The following NFIC variants were observed in gnomAD, a reference collection of about 807,000 sequenced individuals.
The protein encoded by NFIC is nuclear factor I C, also known as nuclear factor 1 C-type.
A neutral mutation model predicts 54.4 loss-of-function variants in NFIC; 12 were observed. The ratio of observed to expected loss-of-function variants is 0.22; its 90% CI spans 0.14 to 0.36. The LOEUF (loss-of-function observed/expected upper bound fraction) is 0.36, where lower values mean the gene tolerates loss of function less well. Ranked by LOEUF, NFIC falls within the 10% of genes least tolerant of loss-of-function variation. NFIC has a pLI of 1.00. For synonymous variants in NFIC, 322 were observed against 319.2 expected (o/e 1.01, Z -0.09); for missense variants, 575 against 718.2 (o/e 0.80, Z 2.28).
chr19:3,449,290 A>G (rs555667581), intron 7 of NFIC, 151 bp downstream of exon 7: 7 of 1,265,974 alleles, frequency 5.5e-6, no homozygotes, highest in East Asian at 2.7e-5. Flanking sequence ...CGTAGTGGAG[A>G]GCGCCCAGGG....
chr19:3,382,859 T>C (rs1202683980), intron 2 of NFIC, among the ~76,000 whole-genome samples: 1 of 151,396 alleles, frequency 6.6e-6, no homozygotes, highest in African/African-American at 2.4e-5. Context: ...GGGCCCAGGG[T>C]GGCTGCTGAT....
At chr19:3,379,673 C>CT (rs370082450) in intron 1 of NFIC, among the ~76,000 whole-genome samples, 24,344 of 99,882 alleles carry the variant, frequency 0.24, 3,234 homozygotes, top group East Asian at 0.51. Context: ...TTATTTCTTT[C>CT]TTTTTTTTTT....
intron 2 of NFIC, among the ~76,000 whole-genome samples, chr19:3,392,829 A>G (rs1367385521): frequency 6.6e-6 from 1 of 152,194 alleles, no homozygotes; most frequent in African/African-American, 2.4e-5. Flanking sequence ...ATTTGGGGAC[A>G]CCGGATGTCT....
chr19:3,399,986 A>G (rs1005226631), intron 2 of NFIC, among the ~76,000 whole-genome samples: 2 of 151,272 alleles, frequency 1.3e-5, no homozygotes, highest in Non-Finnish European at 2.9e-5. Context: ...GGAGTTTGAG[A>G]CCAGCCTGGG....
chr19:3,454,764 A>AC (rs34886339), intron 9 of NFIC, among the ~76,000 whole-genome samples: 5 of 136,116 alleles, frequency 3.7e-5, no homozygotes, highest in African/African-American at 8.3e-5. Flanking sequence ...TCCAAATGAG[A>AC]CCCCCCACCC....
At chr19:3,421,634 A>G (rs1333582030) in intron 2 of NFIC, among the ~76,000 whole-genome samples, 2 of 152,204 alleles carry the variant, frequency 1.3e-5, no homozygotes, top group Non-Finnish European at 2.9e-5. Flanking sequence ...TGTGCTGTTC[A>G]TGGCATCCTT....
rs893712775 is a variant in NFIC, at chr19:3,468,596, A to T, written c.*5827A>T. 2 of 151,830 alleles carry T rather than the reference A, an allele frequency of 1.3e-5. No individual in the cohort carries two copies. Among genetic ancestry groups the T allele is most frequent in the African/African-American group, 4.8e-5 (2 of 41,326 alleles). The allele number at this position is 151,830 out of a possible 1,614,324, so 9.4% of individuals were successfully genotyped here. On this transcript the variant is annotated 3_prime_UTR_variant, in exon 11 of 11. Transcript: ENST00000443272. ...AGTGGGGGGTGGGGGGGCAGCTGGG[A>T]GGAGGGAGGGACAAAACAAAACATT...
rs1428856676 is a variant in NFIC, at chr19:3,385,576, T to TTTA, written c.562+3335_562+3336insATT. ...GGGGGTTTTTTTGGTTGTTGTTGTT[T>TTTA]TTTTTTTTTTTTTTGAGACAGACTC... On this transcript the variant is annotated intron_variant, in intron 2 of 10. Transcript: ENST00000443272. 3.0e-5 allele frequency among the ~76,000 whole-genome samples: 4 copies of TTTA among 132,790 alleles called. No homozygotes were observed. In the South Asian group the frequency reaches 6.8e-4, roughly 23 times the overall value. The allele number at this position is 132,790 out of a possible 152,430, so 87.1% of individuals were successfully genotyped here.
At chr19:3,432,225 C>G (rs182715333) in intron 3 of NFIC, among the ~76,000 whole-genome samples, 141 of 152,312 alleles carry the variant, frequency 9.3e-4, no homozygotes, top group Non-Finnish European at 1.6e-3. Context: ...CCAAACCACT[C>G]CAGTCGAGAG....
intron 3 of NFIC, among the ~76,000 whole-genome samples, chr19:3,429,231 C>CCAAA (rs1413610827): frequency 2.7e-5 from 1 of 36,714 alleles, no homozygotes; most frequent in African/African-American, 1.2e-4. Context: ...ATCTCTACCC[C>CCAAA]AAAAAAAAAA....
upstream of NFIC, among the ~76,000 whole-genome samples, chr19:3,365,027 T>A (rs984307400): frequency 1.3e-5 from 2 of 152,126 alleles, no homozygotes; most frequent in African/African-American, 4.8e-5. Flanking sequence ...AAGCACTGTT[T>A]GAATAATGTC....
chr19:3,443,017 G>C (rs551972145), intron 6 of NFIC, among the ~76,000 whole-genome samples: 1 of 152,236 alleles, frequency 6.6e-6, no homozygotes, highest in Non-Finnish European at 1.5e-5. Context: ...TCTTGACATG[G>C]AGTGGGTCGA....
At chr19:3,435,946 C>T (rs1449814454) in intron 6 of NFIC, among the ~76,000 whole-genome samples, 1 of 152,080 alleles carries the variant, frequency 6.6e-6, no homozygotes, top group African/African-American at 2.4e-5. Flanking sequence ...CCTACCTCAG[C>T]CTCCCAAGTA....
chr19:3,408,347 C>T (rs1290425048), intron 2 of NFIC, among the ~76,000 whole-genome samples: 5 of 152,168 alleles, frequency 3.3e-5, no homozygotes, highest in African/African-American at 1.2e-4. Flanking sequence ...GCCACCCCTG[C>T]TGGGCCAGGG....
intron 2 of NFIC, among the ~76,000 whole-genome samples, chr19:3,409,376 C>T (rs533443743): frequency 1.1e-4 from 17 of 152,276 alleles, no homozygotes; most frequent in Admixed American, 4.6e-4. Context: ...CCTCCAACGC[C>T]GCCCCCAAAG....
chr19:3,393,392 T>C (rs1033131208), intron 2 of NFIC, among the ~76,000 whole-genome samples: 1 of 152,144 alleles, frequency 6.6e-6, no homozygotes, highest in African/African-American at 2.4e-5. Context: ...AAGTGGTTTC[T>C]AGATTCTCCA....
chr19:3,366,502 G>A, upstream of NFIC: 2 of 483,658 alleles, frequency 4.1e-6, 1 homozygote, highest in Non-Finnish European at 7.1e-6. Context: ...ACCGAGGGAG[G>A]AGGCGGCGAG....
At position 3,464,310 on chromosome 19, in the gene NFIC, C is replaced by T; in HGVS notation, c.*1541C>T. 3 of 985,222 alleles carry T rather than the reference C, an allele frequency of 3.0e-6. No individual in the cohort carries two copies. The highest frequency in any genetic ancestry group is 3.6e-6 in the Non-Finnish European group (3 of 829,816). 61.0% of individuals were successfully genotyped at this position (985,222 alleles called of 1,614,324 possible). ...TTCGGCGTCGCACCTTGGGGCCCCC[C>T]GCAGCCGTGTAGGGGGCCTCCCATC... On this transcript the variant is annotated 3_prime_UTR_variant, in exon 11 of 11. Transcript: ENST00000443272.
At position 3,382,106 on chromosome 19, in the gene NFIC, C is replaced by T; in HGVS notation, c.425C>T (p.Pro142Leu). 6.2e-7 allele frequency: 1 copy of T among 1,613,316 alleles called. No individual in the cohort carries two copies. The highest frequency in any genetic ancestry group is 8.5e-7 in the Non-Finnish European group (1 of 1,179,954). Reference protein sequence around the residue: ...LVMVILFKGIPLESTDGERLV... With the variant: ...LVMVILFKGILLESTDGERLV... ...ATGGTCATCCTGTTCAAGGGCATCCCGCTGGAGAGCACCGACGGCGAGCGC... is the reference window on the plus strand; with the variant it reads ...ATGGTCATCCTGTTCAAGGGCATCCTGCTGGAGAGCACCGACGGCGAGCGC... The change falls in exon 2 of 11, where the codon CCG becomes CTG. Residue 142 changes from proline (P) to leucine (L), a missense_variant. Coordinates refer to ENST00000443272, the MANE Select transcript of NFIC (RefSeq NM_001245002.2).
Sources: gnomAD v4.1 joint callset for allele counts (sites outside exome capture counted in the v4.1 genomes callset) on GRCh38, gnomAD v4.1.1 for gene constraint, MANE v1.5 for transcripts, NCBI Gene and HGNC (gene_info 2026-07-23, HGNC 2026-07-21) for gene names.